The following GTF2IRD2 variants were observed in gnomAD, a reference collection of about 807,000 sequenced individuals.
GTF2IRD2 encodes the protein GTF2I repeat domain containing 2.
Under a neutral mutation model 49.2 loss-of-function variants are expected in GTF2IRD2, and 8 were observed. The observed-to-expected ratio is 0.16, with a 90% CI of 0.10 to 0.29. The LOEUF is 0.29. Among genes scored for constraint, GTF2IRD2 ranks in the 10% least tolerant of loss-of-function variants. GTF2IRD2 has a pLI of 1.00. For synonymous variants in GTF2IRD2, 47 were observed against 289.7 expected (o/e 0.16, Z 8.51); for missense variants, 130 against 725.7 (o/e 0.18, Z 9.43).
chr7:74,841,207 G>A (rs1465834949), intron 1 of GTF2IRD2, among the ~76,000 whole-genome samples: 2 of 124,012 alleles, frequency 1.6e-5, no homozygotes, highest in East Asian at 2.3e-4. Flanking sequence ...TCACTCTGTT[G>A]CCCAGGCTGG....
chr7:74,840,585 A>G (rs1554421688), intron 1 of GTF2IRD2, among the ~76,000 whole-genome samples: 6 of 124,894 alleles, frequency 4.8e-5, no homozygotes, highest in African/African-American at 1.1e-4. Flanking sequence ...CCTTAGTTGA[A>G]ACTATTCATG....
chr7:74,820,183 GC>G (rs1242667307), intron 6 of GTF2IRD2, 160 bp from the exon 7 acceptor site: 1 of 523,526 alleles, frequency 1.9e-6, no homozygotes, highest in Non-Finnish European at 3.3e-6. Flanking sequence ...ACTCAAAGCA[GC>G]CGCTGTGTTC....
chr7:74,830,235 A>G (rs1799730856), intron 3 of GTF2IRD2, among the ~76,000 whole-genome samples: 1 of 103,022 alleles, frequency 9.7e-6, no homozygotes, highest in African/African-American at 3.0e-5. Context: ...GGGCACGATG[A>G]CTCACGCCTG....
At chr7:74,829,782 G>A (rs1345262509) in intron 3 of GTF2IRD2, among the ~76,000 whole-genome samples, 4 of 150,882 alleles carry the variant, frequency 2.7e-5, no homozygotes, top group Non-Finnish European at 5.9e-5. Flanking sequence ...CAGCTACTTG[G>A]GATGCTGAGG....
intron 3 of GTF2IRD2, among the ~76,000 whole-genome samples, chr7:74,831,504 T>TAC (rs4029807): frequency 0.14 from 17,131 of 119,088 alleles, 716 homozygotes; most frequent in African/African-American, 0.18. Flanking sequence ...TCTCTGTACA[T>TAC]ACACACACAC....
intron 3 of GTF2IRD2, among the ~76,000 whole-genome samples, chr7:74,829,891 A>AAAACAAAACAAAC (rs1176951187): frequency 7.5e-6 from 1 of 134,190 alleles, no homozygotes; most frequent in African/African-American, 2.9e-5. Context: ...CTGTCTCAAA[A>AAAACAAAACAAAC]AAAAAAAAAA....
intron 1 of GTF2IRD2, among the ~76,000 whole-genome samples, chr7:74,840,951 A>C (rs1442715918): frequency 1.1e-5 from 1 of 87,278 alleles, no homozygotes; most frequent in African/African-American, 6.0e-5. Context: ...AGGTTCAAGC[A>C]ATTCTCCTGC....
Position 74,798,111 on chromosome 7 carries a change from T to A in GTF2IRD2, c.1401A>T (p.Gln467His). The A allele has an allele frequency of 6.3e-7, 1 of 1,597,706 alleles. No homozygotes were observed. ...SKEYNLRRHY[Q>H]TNHSKHYDQY... is the part of the protein sequence containing the mutation. Reference sequence around the variant, plus strand: ...GGTCATAATGCTTGCTGTGATTGGTTTGATAGTGGCGTCTTAGGTTATATT... The same window carrying A: ...GGTCATAATGCTTGCTGTGATTGGTATGATAGTGGCGTCTTAGGTTATATT... The change falls in exon 16 of 16, where the codon CAA becomes CAT. Residue 467 changes from glutamine to histidine, a missense_variant. Gln to His is a conservative substitution (Grantham distance 24). Transcript: ENST00000451013.
At chr7:74,837,199 CTATT>C (rs1310659501) in intron 1 of GTF2IRD2, among the ~76,000 whole-genome samples, 4 of 3,542 alleles carry the variant, frequency 1.1e-3, no homozygotes, top group African/African-American at 5.3e-3. Flanking sequence ...TTTTTAAAAA[CTATT>C]TATTTATTTA....
At chr7:74,831,370 A>G (rs1470381503) in intron 3 of GTF2IRD2, among the ~76,000 whole-genome samples, 6 of 151,244 alleles carry the variant, frequency 4.0e-5, no homozygotes, top group Non-Finnish European at 7.4e-5. Context: ...GTCTATATAC[A>G]TATGTATATA....
At chr7:74,834,698 C>T (rs1414142568) in intron 2 of GTF2IRD2, among the ~76,000 whole-genome samples, 1 of 121,950 alleles carries the variant, frequency 8.2e-6, no homozygotes, top group Non-Finnish European at 1.6e-5. Flanking sequence ...AAAATTAATT[C>T]CAACTTATTT....
intron 8 of GTF2IRD2, among the ~76,000 whole-genome samples, chr7:74,813,377 CAAAAAAAAAA>C (rs782221011): frequency 1.0e-3 from 6 of 5,894 alleles, no homozygotes; most frequent in African/African-American, 3.6e-3. Context: ...GACTCCATCT[CAAAAAAAAAA>C]AAAAAAAAAA....
chr7:74,812,578 G>C lies in GTF2IRD2; in HGVS notation c.748+161C>G, dbSNP rs587735497. On this transcript the variant is annotated intron_variant, in intron 9 of 15. Coordinates refer to ENST00000451013, the MANE Select transcript of GTF2IRD2 (RefSeq NM_173537.5). Reference sequence around the variant, plus strand: ...AGAGTACGTGGATTTAGGCTAAATAGAATCTATTTTATAACTGTAGGATTA... The same window carrying C: ...AGAGTACGTGGATTTAGGCTAAATACAATCTATTTTATAACTGTAGGATTA... 1.8e-3 allele frequency among the ~76,000 whole-genome samples: 146 copies of C among 82,012 alleles called. 28 individuals are homozygous for C. Among genetic ancestry groups the C allele is most frequent in the African/African-American group, 4.1e-3 (143 of 35,090 alleles). The allele number at this position is 82,012 out of a possible 152,430, so 53.8% of individuals were successfully genotyped here.
chr7:74,808,682 G>T (rs1239490467), intron 11 of GTF2IRD2, among the ~76,000 whole-genome samples: 1 of 82,460 alleles, frequency 1.2e-5, no homozygotes, highest in Non-Finnish European at 2.9e-5. Context: ...TAATGGGAAT[G>T]GCTGCTCTAT....
At position 74,829,848 on chromosome 7, in the gene GTF2IRD2, A is replaced by C. The variant is rs1204667753; in HGVS notation, c.238+2957T>G. On this transcript the variant is annotated intron_variant, in intron 3 of 15. Coordinates refer to ENST00000451013, the MANE Select transcript of GTF2IRD2 (RefSeq NM_173537.5). Reference sequence around the variant, plus strand: ...GGTTGTGGTCAGCCGAGATCTCTCCACTGCACTCCAGCCTGGGCGATAGAG... The same window carrying C: ...GGTTGTGGTCAGCCGAGATCTCTCCCCTGCACTCCAGCCTGGGCGATAGAG... Among the ~76,000 whole-genome samples the C allele has an allele frequency of 6.7e-5, 10 of 149,264 alleles. No individual in the cohort carries two copies. In the East Asian group the frequency reaches 2.0e-3, roughly 29 times the overall value.
chr7:74,811,097 G>T, intron 9 of GTF2IRD2, 145 bp from the exon 10 acceptor site: 1 of 244,092 alleles, frequency 4.1e-6, no homozygotes, highest in Non-Finnish European at 7.2e-6. Context: ...GGCTGCGCGC[G>T]GTAGCTCACG....
At chr7:74,842,858 C>T (rs1800968317) in intron 1 of GTF2IRD2, among the ~76,000 whole-genome samples, 1 of 143,544 alleles carries the variant, frequency 7.0e-6, no homozygotes, top group South Asian at 2.3e-4. Flanking sequence ...ACAGCCTGAA[C>T]TGTACACTTC....
At chr7:74,828,692 G>A (rs1392602319) in intron 3 of GTF2IRD2, among the ~76,000 whole-genome samples, 1 of 67,330 alleles carries the variant, frequency 1.5e-5, no homozygotes. Context: ...AAAAAAAAAA[G>A]AAATGGCAAA....
chr7:74,845,935 C>CTT (rs1387536207), intron 1 of GTF2IRD2, among the ~76,000 whole-genome samples: 1 of 139,748 alleles, frequency 7.2e-6, no homozygotes, highest in African/African-American at 2.6e-5. Flanking sequence ...TAGTACTTAA[C>CTT]TTTTTACTCT....
Sources: gnomAD v4.1 joint callset for allele counts (sites outside exome capture counted in the v4.1 genomes callset) on GRCh38, gnomAD v4.1.1 for gene constraint, MANE v1.5 for transcripts, NCBI Gene and HGNC (gene_info 2026-07-23, HGNC 2026-07-21) for gene names.